The following RAP1GDS1 variants were observed in gnomAD, a reference collection of about 807,000 sequenced individuals.
The protein encoded by RAP1GDS1 is Rap1 GTPase-GDP dissociation stimulator 1, also known as RAP1, GTP-GDP dissociation stimulator 1.
Under a neutral mutation model 71.1 loss-of-function variants are expected in RAP1GDS1, and 35 were observed. The ratio of observed to expected loss-of-function variants is 0.49; its 90% CI spans 0.38 to 0.65. The LOEUF is 0.65. RAP1GDS1 is among the 30% of genes least tolerant of loss of function. The probability of loss-of-function intolerance (pLI) is 0.00; values close to 1 mark genes in which losing one functional copy is unlikely to be tolerated. For synonymous variants in RAP1GDS1, 229 were observed against 243.1 expected, an observed-to-expected ratio of 0.94 and a Z score of 0.54; for missense variants, 663 against 706.1, an observed-to-expected ratio of 0.94 and a Z score of 0.69.
chr4:98,322,593 A>G (rs1462438975), intron 2 of RAP1GDS1, among the ~76,000 whole-genome samples: 1 of 26,078 alleles, frequency 3.8e-5, no homozygotes, highest in Non-Finnish European at 6.2e-5. Flanking sequence ...GTGCAATCAA[A>G]CTAGAACTCA....
chr4:98,261,673 T>C, intron 1 of RAP1GDS1, 104 bp downstream of exon 1: 1 of 1,382,244 alleles, frequency 7.2e-7, no homozygotes. Context: ...ATTTCTCCAG[T>C]CCCCGGGTGT....
intron 1 of RAP1GDS1, among the ~76,000 whole-genome samples, chr4:98,261,787 G>C (rs985007705): frequency 6.6e-6 from 1 of 151,728 alleles, no homozygotes; most frequent in Non-Finnish European, 1.5e-5. Flanking sequence ...GGTCGGCCGC[G>C]GGCCGGACCG....
At chr4:98,394,592 C>A (rs1216701568) in intron 6 of RAP1GDS1, among the ~76,000 whole-genome samples, 1 of 152,044 alleles carries the variant, frequency 6.6e-6, no homozygotes, top group Non-Finnish European at 1.5e-5. Context: ...TTACAGTTAA[C>A]CCAACCCTGT....
intron 14 of RAP1GDS1, among the ~76,000 whole-genome samples, chr4:98,440,848 G>A (rs1385292923): frequency 1.3e-5 from 2 of 152,324 alleles, no homozygotes; most frequent in African/African-American, 4.8e-5. Flanking sequence ...CTCCTGAGTA[G>A]CTGGGATTAT....
At chr4:98,308,840 A>G (rs1158029692) in intron 2 of RAP1GDS1, among the ~76,000 whole-genome samples, 1 of 152,132 alleles carries the variant, frequency 6.6e-6, no homozygotes, top group Non-Finnish European at 1.5e-5. Context: ...AACATCTGAC[A>G]AACATAGGAG....
intron 2 of RAP1GDS1, among the ~76,000 whole-genome samples, chr4:98,309,782 C>A (rs544692024): frequency 3.2e-4 from 49 of 151,836 alleles, no homozygotes; most frequent in Non-Finnish European, 4.0e-4. Flanking sequence ...GGTTCATGGT[C>A]ATTTTATTCT....
chr4:98,364,455 G>A (rs1015048385), intron 4 of RAP1GDS1, among the ~76,000 whole-genome samples: 8 of 152,008 alleles, frequency 5.3e-5, no homozygotes, highest in South Asian at 2.1e-4. Flanking sequence ...CATTGTTTCC[G>A]TAAATATATC....
intron 2 of RAP1GDS1, among the ~76,000 whole-genome samples, chr4:98,324,603 C>T (rs575916496): frequency 2.1e-5 from 3 of 145,320 alleles, no homozygotes; most frequent in Admixed American, 2.1e-4. Flanking sequence ...ACAGAGCCCT[C>T]AGAAATAACG....
chr4:98,292,723 T>C (rs1352125532), intron 1 of RAP1GDS1, among the ~76,000 whole-genome samples: 1 of 152,182 alleles, frequency 6.6e-6, no homozygotes, highest in East Asian at 1.9e-4. Context: ...CAGTTTTGAT[T>C]TTGTAGTATG....
chr4:98,304,197 T>C (rs1436506406), intron 2 of RAP1GDS1, among the ~76,000 whole-genome samples: 4 of 152,206 alleles, frequency 2.6e-5, no homozygotes, highest in South Asian at 2.1e-4. Flanking sequence ...CTTATATTCC[T>C]TTGGGTATAT....
At chr4:98,305,129 T>C (rs986976577) in intron 2 of RAP1GDS1, among the ~76,000 whole-genome samples, 3 of 152,170 alleles carry the variant, frequency 2.0e-5, no homozygotes, top group Non-Finnish European at 4.4e-5. Flanking sequence ...TCTTTTTGCT[T>C]AGGATTGTCT....
chr4:98,373,505 G>C (rs1231164799), intron 4 of RAP1GDS1, among the ~76,000 whole-genome samples: 1 of 151,510 alleles, frequency 6.6e-6, no homozygotes, highest in East Asian at 2.0e-4. Flanking sequence ...AGCTTTAATA[G>C]ATTTGTAGCA....
chr4:98,394,795 CATT>C (rs1744272331), intron 6 of RAP1GDS1, among the ~76,000 whole-genome samples: 1 of 152,068 alleles, frequency 6.6e-6, no homozygotes, highest in Non-Finnish European at 1.5e-5. Context: ...GTGTTTAAGA[CATT>C]ATAATAATAT....
intron 1 of RAP1GDS1, among the ~76,000 whole-genome samples, chr4:98,268,138 T>G (rs571500719): frequency 6.6e-6 from 1 of 152,168 alleles, no homozygotes; most frequent in East Asian, 1.9e-4. Flanking sequence ...GTGGGATTTA[T>G]CCCTGGGATG....
intron 4 of RAP1GDS1, among the ~76,000 whole-genome samples, chr4:98,365,823 C>T (rs551798222): frequency 2.0e-4 from 31 of 152,164 alleles, no homozygotes; most frequent in African/African-American, 7.2e-4. Context: ...AGTTTAGTAG[C>T]TCTCTAACAA....
At chr4:98,357,877 T>C (rs1265775305) in intron 4 of RAP1GDS1, among the ~76,000 whole-genome samples, 1 of 151,962 alleles carries the variant, frequency 6.6e-6, no homozygotes, top group Admixed American at 6.6e-5. Flanking sequence ...CTTGGTAAAG[T>C]AAGCTTGTGT....
At chr4:98,410,632 C>T (rs560193677) in intron 7 of RAP1GDS1, among the ~76,000 whole-genome samples, 16 of 152,074 alleles carry the variant, frequency 1.1e-4, no homozygotes, top group South Asian at 2.1e-4. Flanking sequence ...ATGAATAAAT[C>T]ATAGGATATT....
chr4:98,283,817 ATTT>A (rs10582639), intron 1 of RAP1GDS1, among the ~76,000 whole-genome samples: 8 of 133,944 alleles, frequency 6.0e-5, no homozygotes, highest in African/African-American at 5.5e-5. Flanking sequence ...TTTCATTGTG[ATTT>A]TTTTTTTTTT....
At chr4:98,346,238 T>A (rs1467551041) in intron 3 of RAP1GDS1, among the ~76,000 whole-genome samples, 1 of 152,186 alleles carries the variant, frequency 6.6e-6, no homozygotes, top group Non-Finnish European at 1.5e-5. Context: ...TATTGCAAAG[T>A]GTTTATCAAA....
Sources: allele counts gnomAD v4.1 joint callset (sites outside exome capture counted in the v4.1 genomes callset), GRCh38; gene constraint gnomAD v4.1.1; transcripts MANE v1.5; gene names NCBI Gene and HGNC (gene_info 2026-07-23, HGNC 2026-07-21).